The following PLXNA3 variants were observed in gnomAD, a reference collection of about 807,000 sequenced individuals.
The protein encoded by PLXNA3 is plexin A3, also known as plexin-A3.
Under a neutral mutation model 118.8 loss-of-function variants are expected in PLXNA3, and 52 were observed. That is an observed-to-expected ratio of 0.44 (90% CI 0.35 to 0.55). The LOEUF (loss-of-function observed/expected upper bound fraction) is 0.55. Ranked by LOEUF, PLXNA3 falls within the 20% of genes least tolerant of loss-of-function variation. The pLI is 0.01. For missense variants in PLXNA3, 1,660 were observed against 1,730.8 expected, an observed-to-expected ratio of 0.96 and a Z score of 0.73; for synonymous variants, 925 against 762.4, an observed-to-expected ratio of 1.21 and a Z score of -3.51.
In PLXNA3 at chrX:154,474,038, A is replaced by AC. The variant is rs782603460; in HGVS notation, c.*1355dup. On this transcript the variant is annotated 3_prime_UTR_variant, in exon 33 of 33. Coordinates refer to ENST00000369682, the MANE Select transcript of PLXNA3 (RefSeq NM_017514.5). ...TTCAGCTGCAGCCAGCTCCTTCAAAACCTGACAATTGCATACTGTCGAGGT... is the reference window on the plus strand; with the variant it reads ...TTCAGCTGCAGCCAGCTCCTTCAAAACCCTGACAATTGCATACTGTCGAGGT... 1 of 111,218 alleles carries AC rather than the reference A, an allele frequency of 9.0e-6. No homozygotes were observed. The highest frequency in any genetic ancestry group is 3.3e-5 in the African/African-American group (1 of 30,558). The allele number at this position is 111,218 out of a possible 1,213,427, so 9.2% of individuals were successfully genotyped here.
In PLXNA3 at chrX:154,470,109, G is replaced by T. The variant is rs782726326; in HGVS notation, c.4928G>T (p.Gly1643Val). ...CACGACCATGCCGACCATCGCGAGG[G>T]GGACCGTGGCAGCAAGATGGTCTCC... ...KNHDHADHRE[G>V]DRGSKMVSEI... The change falls in exon 29 of 33, where the codon GGG becomes GTG. Residue 1643 changes from glycine (G) to valine (V), a missense_variant. Physicochemically the swap from Gly to Val is moderately radical, Grantham distance 109. Transcript: ENST00000369682. 3.3e-6 allele frequency: 4 copies of T among 1,211,481 alleles called. No individual in the cohort carries two copies. The highest frequency in any genetic ancestry group is 2.2e-5 in the Admixed American group (1 of 46,149).
At chrX:154,465,328 G>A (rs369299022) in intron 11 of PLXNA3, 96 bp from the exon 12 acceptor site, 5 of 1,036,728 alleles carry the variant, frequency 4.8e-6, no homozygotes, top group African/African-American at 3.7e-5. Context: ...CTCCTGCTAG[G>A]GATTCCTGTA....
chrX:154,464,905 T>C (rs1198483790), intron 10 of PLXNA3, 37 bp downstream of exon 10: 1 of 1,100,842 alleles, frequency 9.1e-7, no homozygotes, highest in African/African-American at 1.8e-5. Flanking sequence ...CTGGGCTCTG[T>C]GGTGCGGGCG....
In PLXNA3 at chrX:154,471,603, G is replaced by A. The variant is rs782080154; in HGVS notation, c.5485G>A (p.Glu1829Lys). ...SDFSVLSALN[E>K]LYFYVTKYRQ... Reference sequence around the variant, plus strand: ...CTTCAGCGTCCTGAGTGCGCTCAACGAGCTGTATTTCTATGTCACCAAGTA... The same window carrying A: ...CTTCAGCGTCCTGAGTGCGCTCAACAAGCTGTATTTCTATGTCACCAAGTA... Residue 1829 changes from glutamate (E) to lysine (K), a missense_variant, in exon 32 of 33, where the codon GAG becomes AAG. Glu to Lys is a moderately conservative substitution (Grantham distance 56). Transcript: ENST00000369682. 2.5e-6 allele frequency: 3 copies of A among 1,210,436 alleles called. No individual in the cohort carries two copies. The highest frequency in any genetic ancestry group is 3.5e-5 in the South Asian group (2 of 56,947).
In PLXNA3 at chrX:154,460,962, C is replaced by G. The variant is rs782775658; in HGVS notation, c.595-137C>G. On this transcript the variant is annotated intron_variant, in intron 2 of 32. Coordinates refer to ENST00000369682, the MANE Select transcript of PLXNA3 (RefSeq NM_017514.5). ...CCCCTGTGTGCAGGGAGGCTGGTCA[C>G]CCTGCCCTCTGCAGCCTTTCTGGCC... The G allele has an allele frequency of 4.5e-6, 3 of 669,665 alleles. No homozygotes were observed. In the East Asian group the frequency reaches 1.0e-4, roughly 22 times the overall value. The allele number at this position is 669,665 out of a possible 1,213,427, so 55.2% of individuals were successfully genotyped here.
chrX:154,460,675 G>C lies in PLXNA3; in HGVS notation c.492G>C (p.Lys164Asn). The change falls in exon 2 of 33, where the codon AAG (lysine) becomes AAC (asparagine). Residue 164 changes from lysine (K) to asparagine (N), a missense_variant. This residue lies in a region of PLXNA3 where 791 missense variants were observed against 652.1 expected (regional missense o/e 1.21). Transcript: ENST00000369682. ...VIVEQGQGPS[K>N]LFVGTAVDGK... Reference sequence around the variant, plus strand: ...TGGAGCAGGGCCAGGGGCCCAGCAAGCTGTTTGTGGGCACTGCTGTCGACG... The same window carrying C: ...TGGAGCAGGGCCAGGGGCCCAGCAACCTGTTTGTGGGCACTGCTGTCGACG... The C allele has an allele frequency of 1.7e-6, 2 of 1,163,572 alleles. No individual in the cohort carries two copies. The highest frequency in any genetic ancestry group is 2.4e-4 in the Middle Eastern group (1 of 4,145).
intron 9 of PLXNA3, 98 bp downstream of exon 9, chrX:154,464,599 G>C: frequency 1.3e-6 from 1 of 782,500 alleles, no homozygotes; most frequent in Non-Finnish European, 1.9e-6. Context: ...GGCATCAGGG[G>C]CTAACTGTCA....
chrX:154,462,054 G>A, intron 3 of PLXNA3, 74 bp from the exon 4 acceptor site: 2 of 888,239 alleles, frequency 2.3e-6, no homozygotes, highest in South Asian at 2.5e-5. Flanking sequence ...TCTCTTCTGG[G>A]ACACAGGAAC....
In PLXNA3 at chrX:154,468,520, A is replaced by G; in HGVS notation, c.4181A>G (p.Asn1394Ser). The G allele has an allele frequency of 8.3e-7, 1 of 1,210,420 alleles. No homozygotes were observed. The highest frequency in any genetic ancestry group is 1.8e-5 in the South Asian group (1 of 56,932). ...CTGCTGGCCGACCTCATCGAGAAGA[A>G]CCTCGAGAGCAAGAACCACCCCAAG... ...KQLLADLIEK[N>S]LESKNHPKLL... The change falls in exon 23 of 33, where the codon AAC becomes AGC. Residue 1394 changes from asparagine to serine, a missense_variant. By Grantham distance (46) the Asn-to-Ser change is conservative (BLOSUM62 1). This residue lies in a region of PLXNA3 where 869 missense variants were observed against 1,078.7 expected (regional missense o/e 0.81). Transcript: ENST00000369682.
At chrX:154,460,935 G>C (rs2068941993) in intron 2 of PLXNA3, among the ~76,000 whole-genome samples, 158 bp downstream of exon 2, 1 of 112,446 alleles carries the variant, frequency 8.9e-6, no homozygotes, top group African/African-American at 3.2e-5. Flanking sequence ...GGTTGCGGGG[G>C]TCCCCTGTGT....
At position 154,465,982 on chromosome X, in the gene PLXNA3, C is replaced by T. The variant is rs6643609; in HGVS notation, c.2580C>T (p.Ile860=). The T allele has an allele frequency of 7.0e-5, 85 of 1,210,052 alleles. No individual in the cohort carries two copies. The East Asian group carries it at 1.2e-3, about 18-fold the overall frequency. The part of the protein sequence containing the change: ...GPKEGGTRVT[I]VGENLGLLSR... The stretch of plus-strand genomic sequence containing the variant: ...AGGAAGGAGGCACCCGGGTCACCAT[C>T]GTGGGTGAGAACCTGGGCCTCTTGT... Residue 860 remains isoleucine (I), a synonymous_variant, in exon 14 of 33, where the codon ATC becomes ATT. Transcript: ENST00000369682.
chrX:154,463,084 T>C (rs1279086168), intron 4 of PLXNA3, among the ~76,000 whole-genome samples: 1 of 111,476 alleles, frequency 9.0e-6, no homozygotes, highest in Non-Finnish European at 1.9e-5. Context: ...TGGGTTTCTG[T>C]GGATCTGCAG....
rs2069218572 is a variant in PLXNA3, at chrX:154,474,063, T to C, written c.*1378T>C. ...ACCTGACAATTGCATACTGTCGAGG[T>C]TGTGGCACCCATCATGGTGCACCTA... On this transcript the variant is annotated 3_prime_UTR_variant, in exon 33 of 33. Transcript: ENST00000369682. 1 of 112,108 alleles carries C rather than the reference T, an allele frequency of 8.9e-6. No homozygotes were observed. Among genetic ancestry groups the C allele is most frequent in the Non-Finnish European group, 1.9e-5 (1 of 53,220 alleles). The allele number at this position is 112,108 out of a possible 1,213,427, so 9.2% of individuals were successfully genotyped here.
intron 2 of PLXNA3, 76 bp downstream of exon 2, chrX:154,460,853 G>C (rs1325758383): frequency 2.1e-5 from 17 of 817,649 alleles, no homozygotes; most frequent in Middle Eastern, 3.0e-4. Context: ...TTCTTTCTGA[G>C]AGGGGACTTT....
rs1557206636 is a variant in PLXNA3 at position 154,465,437 on chromosome X, G to A, written c.2258G>A (p.Gly753Asp). ...QCQNASYSYEGDEHGDTELDF... is the reference protein window; with the variant it reads ...QCQNASYSYEDDEHGDTELDF... ...CCTTTCCTCCAGTACTCCTATGAAG[G>A]TGATGAGCATGGTGACACCGAGCTG... Residue 753 changes from glycine to aspartate, a missense_variant, in exon 12 of 33, where the codon GGT becomes GAT. Coordinates refer to ENST00000369682, the MANE Select transcript of PLXNA3 (RefSeq NM_017514.5). 2 of 1,204,727 alleles carry A rather than the reference G, an allele frequency of 1.7e-6. No homozygotes were observed. The highest frequency in any genetic ancestry group is 3.0e-5 in the East Asian group (1 of 33,805).
At chrX:154,463,840 CG>C in intron 6 of PLXNA3, 110 bp from the exon 7 acceptor site, 1 of 1,045,361 alleles carries the variant, frequency 9.6e-7, no homozygotes, top group Non-Finnish European at 1.3e-6. Flanking sequence ...TGACGTCCCT[CG>C]GGCCCCAGGG....
In PLXNA3 at chrX:154,463,655, G is replaced by A; in HGVS notation, c.1512G>A (p.Gly504=). The part of the protein sequence containing the change: ...YQSCAACLGS[G]DPHCGWCVLR... ...GCTGCGCAGCCTGCCTGGGCTCCGGGGACCCGCACTGTGGTTGGTGTGTGC... is the reference window on the plus strand; with the variant it reads ...GCTGCGCAGCCTGCCTGGGCTCCGGAGACCCGCACTGTGGTTGGTGTGTGC... Residue 504 remains glycine (G), a synonymous_variant, in exon 6 of 33, where the codon GGG becomes GGA. Coordinates refer to ENST00000369682, the MANE Select transcript of PLXNA3 (RefSeq NM_017514.5). 2 of 1,205,220 alleles carry A rather than the reference G, an allele frequency of 1.7e-6. No homozygotes were observed. Among genetic ancestry groups the A allele is most frequent in the Non-Finnish European group, 2.2e-6 (2 of 893,696 alleles).
In PLXNA3 at chrX:154,464,628, C is replaced by T. The variant is rs782076216; in HGVS notation, c.1929-126C>T. On this transcript the variant is annotated intron_variant, in intron 9 of 32. Transcript: ENST00000369682. ...ACTGTCAGGCCCTGATAGCCCCTGA[C>T]ATCCCCACATCTCTCTGTCCCCTGA... The T allele has an allele frequency of 8.8e-6, 6 of 680,188 alleles. No individual in the cohort carries two copies. The East Asian group carries it at 2.1e-4, about 24-fold the overall frequency. The allele number at this position is 680,188 out of a possible 1,213,427, so 56.1% of individuals were successfully genotyped here. A position where few individuals can be genotyped will look rare whatever the true frequency, so the allele number is the denominator to read the frequency against.
chrX:154,460,153 C>G lies in PLXNA3; in HGVS notation c.-27-4C>G, dbSNP rs782142719. ...TCTGACTCCCACACACCGTCTCTCC[C>G]TAGGCCTGTCCCCAGGCGCGGCTGC... On this transcript the variant is annotated splice_polypyrimidine_tract_variant and splice_region_variant and intron_variant, in intron 1 of 32. Coordinates refer to ENST00000369682, the MANE Select transcript of PLXNA3 (RefSeq NM_017514.5). The G allele has an allele frequency of 7.7e-6, 8 of 1,043,569 alleles. No individual in the cohort carries two copies. The highest frequency in any genetic ancestry group is 2.2e-5 in the Admixed American group (1 of 45,220). The allele number at this position is 1,043,569 out of a possible 1,213,427, so 86.0% of individuals were successfully genotyped here.
Sources: gnomAD v4.1 joint callset for allele counts (sites outside exome capture counted in the v4.1 genomes callset) on GRCh38, gnomAD v4.1.1 for gene constraint, gnomAD v4.1.1 regional missense constraint, MANE v1.5 for transcripts, NCBI Gene and HGNC (gene_info 2026-07-23, HGNC 2026-07-21) for gene names.